Variants in ZBTB7C observed in about 807,000 individuals in gnomAD.
ZBTB7C encodes zinc finger and BTB domain-containing protein 7C.
ZBTB7C carries 8 observed loss-of-function variants against 25.7 expected under a neutral mutation model. That is an observed-to-expected ratio of 0.31 (90% CI 0.18 to 0.56). The LOEUF (loss-of-function observed/expected upper bound fraction) is 0.56. ZBTB7C is among the 20% of genes least tolerant of loss of function. The probability of loss-of-function intolerance (pLI) is 0.91; values close to 1 mark genes in which losing one functional copy is unlikely to be tolerated. For missense variants in ZBTB7C, 824 were observed against 855.2 expected, an observed-to-expected ratio of 0.96 and a Z score of 0.46; for synonymous variants, 394 against 369.0, an observed-to-expected ratio of 1.07 and a Z score of -0.78.
chr18:48,120,100 C>G (rs28681384), intron 3 of ZBTB7C, among the ~76,000 whole-genome samples: 10,261 of 152,190 alleles, frequency 0.067, 457 homozygotes, highest in African/African-American at 0.12. Context: ...GGGTACAGCC[C>G]TCTGACTAGC....
intron 3 of ZBTB7C, among the ~76,000 whole-genome samples, chr18:48,081,133 T>C (rs974000571): frequency 2.0e-5 from 3 of 152,206 alleles, no homozygotes. Context: ...ATGCAAATCT[T>C]TGAGAAGGGA....
At chr18:48,384,329 G>T (rs569767498) in intron 1 of ZBTB7C, among the ~76,000 whole-genome samples, 17 of 152,336 alleles carry the variant, frequency 1.1e-4, no homozygotes, top group African/African-American at 3.6e-4. Flanking sequence ...TCATACCTAG[G>T]AGCCAGACTG....
At chr18:48,228,127 A>G (rs1412852729) in intron 2 of ZBTB7C, among the ~76,000 whole-genome samples, 2 of 152,196 alleles carry the variant, frequency 1.3e-5, no homozygotes, top group Non-Finnish European at 2.9e-5. Flanking sequence ...GGCAGGAAGC[A>G]TGCTCAATGG....
At chr18:48,341,223 T>C (rs2046591931) in intron 1 of ZBTB7C, among the ~76,000 whole-genome samples, 1 of 152,212 alleles carries the variant, frequency 6.6e-6, no homozygotes, top group Non-Finnish European at 1.5e-5. Flanking sequence ...TGTTCAGCCT[T>C]CTTGACTACT....
At chr18:48,305,415 A>C (rs1431330910) in intron 2 of ZBTB7C, among the ~76,000 whole-genome samples, 2 of 152,198 alleles carry the variant, frequency 1.3e-5, no homozygotes, top group African/African-American at 2.4e-5. Context: ...GCTGCGGGCA[A>C]GCTAAAGTTC....
At chr18:48,207,798 T>A (rs932092823) in intron 2 of ZBTB7C, among the ~76,000 whole-genome samples, 1 of 152,158 alleles carries the variant, frequency 6.6e-6, no homozygotes, top group African/African-American at 2.4e-5. Context: ...GAATATGGCA[T>A]GATTGCATTT....
intron 3 of ZBTB7C, chr18:48,180,576 C>T (rs977272077): frequency 2.9e-6 from 1 of 345,586 alleles, no homozygotes; most frequent in African/African-American, 2.2e-5. Context: ...CCCAAGGGCC[C>T]AGGAGGGCTC....
intron 4 of ZBTB7C, among the ~76,000 whole-genome samples, chr18:48,034,138 G>A (rs2035872138): frequency 6.6e-6 from 1 of 152,142 alleles, no homozygotes; most frequent in African/African-American, 2.4e-5. Context: ...TGTAGGAATG[G>A]AGGTCTGGCA....
intron 3 of ZBTB7C, chr18:48,072,558 C>T (rs2037590361): frequency 6.6e-6 from 1 of 152,196 alleles, no homozygotes; most frequent in Non-Finnish European, 1.5e-5. Flanking sequence ...GGGCAGGAGG[C>T]CAAGCTTCAC....
chr18:48,411,047 AT>A (rs11334165), upstream of ZBTB7C, among the ~76,000 whole-genome samples: 15,084 of 151,432 alleles, frequency 0.1, 2,563 homozygotes, highest in African/African-American at 0.35. Flanking sequence ...ACTTATTGGG[AT>A]TTTTTTTTAA....
At chr18:48,041,394 C>G in intron 3 of ZBTB7C, 1 of 985,456 alleles carries the variant, frequency 1.0e-6, no homozygotes, top group Non-Finnish European at 1.2e-6. Flanking sequence ...CAAGCCTTCT[C>G]TCAGGCTTGG....
At chr18:48,397,028 G>A (rs1373347679) in intron 1 of ZBTB7C, among the ~76,000 whole-genome samples, 2 of 152,184 alleles carry the variant, frequency 1.3e-5, no homozygotes, top group Non-Finnish European at 2.9e-5. Flanking sequence ...AATGCCCTAA[G>A]AAGAGATATT....
chr18:48,150,471 A>G (rs1283542623), intron 3 of ZBTB7C: 1 of 151,772 alleles, frequency 6.6e-6, no homozygotes, highest in Non-Finnish European at 1.5e-5. Context: ...AATCCCAGCT[A>G]CTCAGGAAGC....
intron 2 of ZBTB7C, among the ~76,000 whole-genome samples, chr18:48,218,074 T>G (rs2042867222): frequency 6.6e-6 from 1 of 152,090 alleles, no homozygotes; most frequent in Non-Finnish European, 1.5e-5. Flanking sequence ...TACCTGCACC[T>G]GCAAGTCCAG....
At chr18:48,059,468 C>G (rs1448353573) in intron 3 of ZBTB7C, among the ~76,000 whole-genome samples, 1 of 152,040 alleles carries the variant, frequency 6.6e-6, no homozygotes, top group Non-Finnish European at 1.5e-5. Flanking sequence ...CCACCTGAGA[C>G]CTACAACTCA....
At chr18:48,310,732 C>CT (rs1019512713) in intron 2 of ZBTB7C, among the ~76,000 whole-genome samples, 1 of 152,194 alleles carries the variant, frequency 6.6e-6, no homozygotes, top group African/African-American at 2.4e-5. Flanking sequence ...GTCCCCTGGC[C>CT]TCCCCTAGCT....
At chr18:48,294,211 T>C (rs945518859) in intron 2 of ZBTB7C, among the ~76,000 whole-genome samples, 3 of 152,198 alleles carry the variant, frequency 2.0e-5, no homozygotes, top group African/African-American at 4.8e-5. Context: ...AGCCTGGAAT[T>C]TGAAATTAAT....
intron 3 of ZBTB7C, among the ~76,000 whole-genome samples, chr18:48,081,851 G>A (rs1039765398): frequency 1.3e-5 from 2 of 151,890 alleles, no homozygotes; most frequent in African/African-American, 4.8e-5. Flanking sequence ...GATAGACACT[G>A]GATTTTGAAG....
intron 3 of ZBTB7C, among the ~76,000 whole-genome samples, chr18:48,181,331 A>G (rs1599048672): frequency 6.6e-6 from 1 of 152,212 alleles, no homozygotes; most frequent in East Asian, 1.9e-4. Flanking sequence ...AGTGCATAAG[A>G]AAAGAGTGTT....
Sources: gnomAD v4.1 joint callset for allele counts (sites outside exome capture counted in the v4.1 genomes callset) on GRCh38, gnomAD v4.1.1 for gene constraint, MANE v1.5 for transcripts, NCBI Gene and HGNC (gene_info 2026-07-23, HGNC 2026-07-21) for gene names.